NCOA5: variants seen among roughly 807,000 people sequenced by gnomAD.
NCOA5 encodes NCoA-5.
In NCOA5, 12 loss-of-function variants were observed where a neutral mutation model predicts 59.0. The ratio of observed to expected loss-of-function variants is 0.20; its 90% CI spans 0.13 to 0.33. The LOEUF (loss-of-function observed/expected upper bound fraction) is 0.33. Ranked by LOEUF, NCOA5 falls within the 10% of genes least tolerant of loss-of-function variation. The pLI, the probability that NCOA5 is intolerant of heterozygous loss-of-function variation, is 1.00. For missense variants in NCOA5, 655 were observed against 766.6 expected, an observed-to-expected ratio of 0.85 and a Z score of 1.72; for synonymous variants, 270 against 275.5, an observed-to-expected ratio of 0.98 and a Z score of 0.20.
At chr20:46,081,548 T>C (rs1231415675) in intron 1 of NCOA5, among the ~76,000 whole-genome samples, 1 of 152,176 alleles carries the variant, frequency 6.6e-6, no homozygotes, top group African/African-American at 2.4e-5. Flanking sequence ...ACCATTTTGA[T>C]TGTAATTTGC....
At chr20:46,065,660 C>A (rs1053434356) in intron 5 of NCOA5, among the ~76,000 whole-genome samples, 3 of 152,200 alleles carry the variant, frequency 2.0e-5, no homozygotes, top group African/African-American at 7.2e-5. Flanking sequence ...TTACCTCTTA[C>A]AAACATCAGT....
intron 1 of NCOA5, among the ~76,000 whole-genome samples, chr20:46,089,054 T>C (rs1030157809): frequency 6.6e-6 from 1 of 152,242 alleles, no homozygotes; most frequent in Non-Finnish European, 1.5e-5. Context: ...GCAGTACAGA[T>C]GGTCCACGGA....
intron 2 of NCOA5, among the ~76,000 whole-genome samples, chr20:46,072,999 G>A (rs561860255): frequency 2.5e-4 from 38 of 152,214 alleles, no homozygotes; most frequent in Middle Eastern, 6.8e-3. Context: ...TTCTATAACC[G>A]CACTTACCAC....
intron 2 of NCOA5, 109 bp from the exon 3 acceptor site, chr20:46,070,645 G>A: frequency 1.9e-6 from 2 of 1,033,190 alleles, no homozygotes; most frequent in South Asian, 3.0e-5. Context: ...CTCTAAAACA[G>A]GGCAGCCAAA....
intron 1 of NCOA5, among the ~76,000 whole-genome samples, chr20:46,080,076 C>T (rs112980138): frequency 0.015 from 1,997 of 134,096 alleles, 24 homozygotes; most frequent in Non-Finnish European, 0.021. Flanking sequence ...TACAGATAAC[C>T]AAGAATAAGG....
intron 1 of NCOA5, among the ~76,000 whole-genome samples, chr20:46,081,187 T>C (rs915278207): frequency 5.3e-5 from 8 of 152,134 alleles, no homozygotes; most frequent in Admixed American, 2.6e-4. Flanking sequence ...GGAGTTCATA[T>C]ATTATTAAAT....
rs1475700381 is a variant in NCOA5, at chr20:46,061,033, C to T, written c.*1267G>A. 1 of 151,890 alleles carries T rather than the reference C, an allele frequency of 6.6e-6. No homozygotes were observed. The allele number at this position is 151,890 out of a possible 1,614,324, so 9.4% of individuals were successfully genotyped here. ...AAAAGTAATCATTTCATTTTATTAA[C>T]AACACAAGAGTTCCAAAGAGGAAAA... On this transcript the variant is annotated 3_prime_UTR_variant, in exon 8 of 8. Transcript: ENST00000290231.
intron 1 of NCOA5, among the ~76,000 whole-genome samples, chr20:46,088,830 G>A (rs1303470149): frequency 6.6e-6 from 1 of 152,232 alleles, no homozygotes; most frequent in Non-Finnish European, 1.5e-5. Flanking sequence ...TCCTCGGGCA[G>A]CGTTTCCCAA....
chr20:46,066,294 T>C (rs555315933), intron 5 of NCOA5, among the ~76,000 whole-genome samples: 44 of 152,224 alleles, frequency 2.9e-4, no homozygotes, highest in Admixed American at 9.2e-4. Context: ...AACAATGCTA[T>C]AAGCCCTAGC....
chr20:46,064,110 T>C lies in NCOA5; in HGVS notation c.830-430A>G, dbSNP rs575166789. 7.2e-5 allele frequency among the ~76,000 whole-genome samples: 11 copies of C among 152,278 alleles called. No individual in the cohort carries two copies. The East Asian group carries it at 2.1e-3, about 29-fold the overall frequency. On this transcript the variant is annotated intron_variant, in intron 6 of 7. Coordinates refer to ENST00000290231, the MANE Select transcript of NCOA5 (RefSeq NM_020967.3). ...CAGGACAGAGCTGGCCTACCATTTTTTAATTCATCAGTTCAAAAGTCATAG... is the reference window on the plus strand; with the variant it reads ...CAGGACAGAGCTGGCCTACCATTTTCTAATTCATCAGTTCAAAAGTCATAG...
At chr20:46,089,443 C>A (rs970332913) in intron 1 of NCOA5, among the ~76,000 whole-genome samples, 2 of 152,166 alleles carry the variant, frequency 1.3e-5, no homozygotes, top group Admixed American at 6.5e-5. Context: ...GCTGAGGACC[C>A]GCGGGCGAGC....
chr20:46,063,027 G>C, intron 7 of NCOA5, 138 bp from the exon 8 acceptor site: 2 of 774,278 alleles, frequency 2.6e-6, no homozygotes, highest in Non-Finnish European at 2.0e-6. Context: ...TTCCCAAAGA[G>C]GCCGCTTCAT....
chr20:46,074,738 G>A (rs182939386), intron 2 of NCOA5, among the ~76,000 whole-genome samples: 35 of 152,358 alleles, frequency 2.3e-4, no homozygotes, highest in Admixed American at 2.2e-3. Context: ...CACCAGGCAT[G>A]TGACAGCCTA....
Position 46,062,419 on chromosome 20 carries a change from G to C in NCOA5, c.1621C>G (p.Gln541Glu). The change falls in exon 8 of 8, where the codon CAG becomes GAG. Residue 541 changes from glutamine to glutamate, a missense_variant. By Grantham distance (29) the Gln-to-Glu change is conservative (BLOSUM62 2). Around this residue, in one of 3 missense-constraint regions of NCOA5, gnomAD observed 325 missense variants for 353.2 expected, o/e 0.92. Transcript: ENST00000290231. The part of the protein sequence containing the change: ...TGINFDNPSV[Q>E]KALDTLIQSG... The stretch of plus-strand genomic sequence containing the variant: ...TGGATCAGGGTATCCAGAGCCTTCT[G>C]TACACTTGGATTGTCAAAGTTGATA... 1 of 1,614,154 alleles carries C rather than the reference G, an allele frequency of 6.2e-7. No individual in the cohort carries two copies. Among genetic ancestry groups the C allele is most frequent in the Non-Finnish European group, 8.5e-7 (1 of 1,180,016 alleles).
chr20:46,064,976 C>A, intron 6 of NCOA5, 53 bp downstream of exon 6: 1 of 1,582,310 alleles, frequency 6.3e-7, no homozygotes, highest in Non-Finnish European at 8.7e-7. Context: ...CTGAGTAAGG[C>A]ATAAAGGACT....
At chr20:46,076,132 T>C (rs143876663) in intron 2 of NCOA5, among the ~76,000 whole-genome samples, 1 of 152,216 alleles carries the variant, frequency 6.6e-6, no homozygotes, top group Non-Finnish European at 1.5e-5. Context: ...TTATTAAACG[T>C]AGAAAGCGCT....
intron 2 of NCOA5, among the ~76,000 whole-genome samples, chr20:46,078,223 G>A (rs2084958416): frequency 1.3e-5 from 2 of 152,230 alleles, no homozygotes; most frequent in Non-Finnish European, 2.9e-5. Context: ...GTGGGCATGC[G>A]TAATCTATTC....
intron 2 of NCOA5, among the ~76,000 whole-genome samples, chr20:46,079,102 C>T (rs189080261): frequency 1.1e-3 from 173 of 152,256 alleles, no homozygotes; most frequent in Non-Finnish European, 1.7e-3. Context: ...CCCAATGACA[C>T]GTGAGCTGGG....
chr20:46,088,268 T>C (rs541820788), intron 1 of NCOA5, among the ~76,000 whole-genome samples: 1 of 152,316 alleles, frequency 6.6e-6, no homozygotes, highest in Non-Finnish European at 1.5e-5. Context: ...CGCTGGGACA[T>C]TCTACAAGGA....
Sources: gnomAD v4.1 joint callset for allele counts (sites outside exome capture counted in the v4.1 genomes callset) on GRCh38, gnomAD v4.1.1 for gene constraint, gnomAD v4.1.1 regional missense constraint, MANE v1.5 for transcripts, NCBI Gene and HGNC (gene_info 2026-07-23, HGNC 2026-07-21) for gene names.